MAP4K3: variants seen among roughly 807,000 people sequenced by gnomAD.
MAP4K3 encodes the protein mitogen-activated protein kinase kinase kinase kinase 3.
A neutral mutation model predicts 143.5 loss-of-function variants in MAP4K3; 94 were observed. That is an observed-to-expected ratio of 0.65 (90% CI 0.55 to 0.78). MAP4K3 has a LOEUF of 0.78. Ranked by LOEUF, MAP4K3 falls within the 30% of genes least tolerant of loss-of-function variation. MAP4K3 has a pLI of 0.00. For missense variants in MAP4K3, 1,077 were observed against 1,068.1 expected, an observed-to-expected ratio of 1.01 and a Z score of -0.12; for synonymous variants, 416 against 347.2, an observed-to-expected ratio of 1.20 and a Z score of -2.20.
At chr2:39,382,342 T>C (rs1257894182) in intron 1 of MAP4K3, among the ~76,000 whole-genome samples, 2 of 152,194 alleles carry the variant, frequency 1.3e-5, no homozygotes, top group Admixed American at 6.5e-5. Flanking sequence ...ATTGAGCCCC[T>C]TGGAGTACTC....
At chr2:39,333,693 G>T in intron 6 of MAP4K3, 119 bp from the exon 7 acceptor site, 1 of 523,122 alleles carries the variant, frequency 1.9e-6, no homozygotes, top group Non-Finnish European at 3.3e-6. Flanking sequence ...TACTTAAAGT[G>T]TGCTTAATTA....
intron 12 of MAP4K3, among the ~76,000 whole-genome samples, chr2:39,316,605 T>C (rs1316151821): frequency 2.6e-5 from 4 of 152,118 alleles, no homozygotes; most frequent in Non-Finnish European, 5.9e-5. Context: ...GCCACAAGAT[T>C]TTGTTAAATG....
chr2:39,263,563 G>T (rs1680655169), intron 28 of MAP4K3, among the ~76,000 whole-genome samples: 1 of 151,778 alleles, frequency 6.6e-6, no homozygotes. Context: ...ACAAGCGTGA[G>T]CCACCGCGCC....
intron 1 of MAP4K3, among the ~76,000 whole-genome samples, chr2:39,414,449 T>A (rs1368693639): frequency 6.6e-6 from 1 of 152,234 alleles, no homozygotes; most frequent in Non-Finnish European, 1.5e-5. Context: ...TTTAGAAGAA[T>A]ACATTTTCTT....
chr2:39,388,776 A>G (rs1666577447), intron 1 of MAP4K3, among the ~76,000 whole-genome samples: 2 of 152,236 alleles, frequency 1.3e-5, no homozygotes, highest in African/African-American at 4.8e-5. Context: ...GCCTCAAGTC[A>G]AGAAATAAAT....
At chr2:39,406,301 AG>A (rs1667091200) in intron 1 of MAP4K3, among the ~76,000 whole-genome samples, 1 of 152,326 alleles carries the variant, frequency 6.6e-6, no homozygotes, top group African/African-American at 2.4e-5. Flanking sequence ...AGAAAGAGAC[AG>A]GGGTAGAAAG....
intron 22 of MAP4K3, among the ~76,000 whole-genome samples, chr2:39,280,868 ATTT>A (rs1361055240): frequency 1.3e-5 from 2 of 152,194 alleles, no homozygotes; most frequent in African/African-American, 2.4e-5. Flanking sequence ...TTTTATTTTT[ATTT>A]TTTTCAATTA....
At chr2:39,435,610 A>T (rs1394694213) in intron 1 of MAP4K3, among the ~76,000 whole-genome samples, 1 of 152,222 alleles carries the variant, frequency 6.6e-6, no homozygotes, top group Non-Finnish European at 1.5e-5. Context: ...TTTCTGCATC[A>T]CAAAATTAAA....
chr2:39,348,901 G>T (rs886818580), intron 3 of MAP4K3, among the ~76,000 whole-genome samples: 1 of 152,012 alleles, frequency 6.6e-6, no homozygotes, highest in Non-Finnish European at 1.5e-5. Flanking sequence ...ACACATCACA[G>T]ACTTAAAACT....
intron 15 of MAP4K3, among the ~76,000 whole-genome samples, chr2:39,303,687 C>A (rs1165023595): frequency 6.6e-6 from 1 of 152,092 alleles, no homozygotes; most frequent in Admixed American, 6.5e-5. Flanking sequence ...TAAAGACGTG[C>A]ACCACCATGC....
At chr2:39,287,571 G>A (rs750996679) in intron 20 of MAP4K3, among the ~76,000 whole-genome samples, 1 of 152,070 alleles carries the variant, frequency 6.6e-6, no homozygotes, top group Non-Finnish European at 1.5e-5. Flanking sequence ...CCAAAGTGCT[G>A]GGATTACAGG....
intron 2 of MAP4K3, among the ~76,000 whole-genome samples, chr2:39,369,565 G>A (rs148309985): frequency 2.6e-5 from 4 of 152,206 alleles, no homozygotes; most frequent in African/African-American, 9.6e-5. Flanking sequence ...CTTCCAAACA[G>A]GCCTAGTACT....
At chr2:39,268,059 G>T (rs887120331) in intron 26 of MAP4K3, among the ~76,000 whole-genome samples, 1 of 152,130 alleles carries the variant, frequency 6.6e-6, no homozygotes, top group Non-Finnish European at 1.5e-5. Flanking sequence ...AATTTGTGAA[G>T]AATTTCTTTT....
intron 1 of MAP4K3, among the ~76,000 whole-genome samples, chr2:39,385,123 A>T (rs1666460784): frequency 6.6e-6 from 1 of 152,210 alleles, no homozygotes; most frequent in Non-Finnish European, 1.5e-5. Flanking sequence ...GTTGAAGGGT[A>T]TCTGGGTTGT....
chr2:39,251,378 TC>T (rs1680151154), intron 33 of MAP4K3, among the ~76,000 whole-genome samples: 1 of 152,200 alleles, frequency 6.6e-6, no homozygotes, highest in South Asian at 2.1e-4. Flanking sequence ...TTAAGAGAAT[TC>T]AGCTGCCTTC....
intron 8 of MAP4K3, among the ~76,000 whole-genome samples, chr2:39,329,752 T>C (rs1230820867): frequency 1.3e-5 from 2 of 152,196 alleles, no homozygotes; most frequent in African/African-American, 2.4e-5. Flanking sequence ...CATGATTAAG[T>C]AGAAGTACGT....
At chr2:39,302,503 G>A (rs943162085) in intron 15 of MAP4K3, among the ~76,000 whole-genome samples, 20 of 152,196 alleles carry the variant, frequency 1.3e-4, no homozygotes, top group African/African-American at 4.1e-4. Context: ...CCAGGGCAAA[G>A]TTAGTAGTTC....
At chr2:39,370,345 G>T (rs1358434718) in intron 2 of MAP4K3, among the ~76,000 whole-genome samples, 1 of 152,108 alleles carries the variant, frequency 6.6e-6, no homozygotes, top group Non-Finnish European at 1.5e-5. Flanking sequence ...ATAAACACAA[G>T]GCAGCACTGA....
chr2:39,269,202 T>C (rs1484617136), intron 26 of MAP4K3, among the ~76,000 whole-genome samples: 1 of 151,964 alleles, frequency 6.6e-6, no homozygotes, highest in Non-Finnish European at 1.5e-5. Flanking sequence ...CTCAGAACAA[T>C]TTTCCTGATG....
Sources: gnomAD v4.1 joint callset for allele counts (sites outside exome capture counted in the v4.1 genomes callset) on GRCh38, gnomAD v4.1.1 for gene constraint, MANE v1.5 for transcripts, NCBI Gene and HGNC (gene_info 2026-07-23, HGNC 2026-07-21) for gene names.